LRP1B: variants seen among roughly 807,000 people sequenced by gnomAD.
The protein encoded by LRP1B is low-density lipoprotein receptor-related protein 1B.
In LRP1B, 217 loss-of-function variants were observed where a neutral mutation model predicts 556.6. The ratio of observed to expected loss-of-function variants is 0.39; its 90% confidence interval spans 0.35 to 0.44. LRP1B has a LOEUF of 0.44. Among genes scored for constraint, LRP1B ranks in the 20% least tolerant of loss-of-function variants. The pLI, the probability that LRP1B is intolerant of heterozygous loss-of-function variation, is 1.00. For missense variants in LRP1B, 5,053 were observed against 5,620.8 expected (o/e 0.90, Z 3.23); for synonymous variants, 2,047 against 1,865.8 (o/e 1.10, Z -2.50).
intron 2 of LRP1B, among the ~76,000 whole-genome samples, chr2:141,773,444 G>A (rs1198658869): frequency 6.6e-6 from 1 of 152,184 alleles, no homozygotes; most frequent in African/African-American, 2.4e-5. Flanking sequence ...TGCAAGAAAA[G>A]TCAAGAATCT....
intron 3 of LRP1B, among the ~76,000 whole-genome samples, chr2:141,413,504 C>T (rs887155895): frequency 6.6e-6 from 1 of 152,146 alleles, no homozygotes. Context: ...CCGGCCAACA[C>T]CATCATAATC....
chr2:141,272,701 TA>T (rs1309870532), intron 3 of LRP1B, among the ~76,000 whole-genome samples: 1 of 151,482 alleles, frequency 6.6e-6, no homozygotes, highest in Admixed American at 6.6e-5. Context: ...ACTTTAAAAA[TA>T]AAAATATAGA....
At chr2:140,650,669 G>A (rs571069357) in intron 41 of LRP1B, among the ~76,000 whole-genome samples, 1 of 152,144 alleles carries the variant, frequency 6.6e-6, no homozygotes, top group South Asian at 2.1e-4. Context: ...TCATTTTAAA[G>A]ATTGGCCTGC....
At chr2:141,062,324 G>A (rs371067117) in intron 7 of LRP1B, 51 bp from the exon 8 acceptor site, 13 of 1,204,484 alleles carry the variant, frequency 1.1e-5, no homozygotes, top group African/African-American at 7.6e-5. Flanking sequence ...AGGGAAGCAC[G>A]TTTGATGGAG....
intron 43 of LRP1B, among the ~76,000 whole-genome samples, chr2:140,556,014 A>G (rs992370248): frequency 2.0e-5 from 3 of 152,116 alleles, no homozygotes; most frequent in African/African-American, 7.2e-5. Flanking sequence ...CAAGTAGATG[A>G]AGTTACCCTG....
chr2:141,621,611 T>C (rs570044734), intron 2 of LRP1B, among the ~76,000 whole-genome samples: 2 of 152,338 alleles, frequency 1.3e-5, no homozygotes, highest in East Asian at 3.9e-4. Flanking sequence ...TACATCTCAG[T>C]ATTTTCCTAA....
intron 7 of LRP1B, among the ~76,000 whole-genome samples, chr2:141,120,413 A>C (rs1045142428): frequency 5.3e-5 from 8 of 151,854 alleles, no homozygotes; most frequent in Non-Finnish European, 1.0e-4. Context: ...TCCTCTCTAA[A>C]ATGGGTATCA....
Position 140,334,478 on chromosome 2 carries a change from T to C in LRP1B, c.12198A>G (p.Val4066=). 1 of 1,610,530 alleles carries C rather than the reference T, an allele frequency of 6.2e-7. No homozygotes were observed. Among genetic ancestry groups the C allele is most frequent in the South Asian group, 1.1e-5 (1 of 90,888 alleles). The change falls in exon 79 of 91, where the codon GTA becomes GTG. Residue 4066 remains valine (V), a synonymous_variant. Coordinates refer to ENST00000389484, the MANE Select transcript of LRP1B (RefSeq NM_018557.3). ...AMDGTLRRIL[V]QKNLQRPTGL... ...CTGTGGGTCTCTGTAAGTTCTTTTG[T>C]ACTAAAATCCTTCTCAGTGTACCAT...
chr2:140,953,311 G>A (rs1263679079), intron 18 of LRP1B, among the ~76,000 whole-genome samples: 1 of 152,064 alleles, frequency 6.6e-6, no homozygotes, highest in Non-Finnish European at 1.5e-5. Flanking sequence ...GGATGGTCTC[G>A]ATCTCCTGAC....
chr2:140,826,615 T>G (rs1301942984), intron 31 of LRP1B, among the ~76,000 whole-genome samples: 2 of 152,144 alleles, frequency 1.3e-5, no homozygotes, highest in African/African-American at 4.8e-5. Context: ...CGATTCATAA[T>G]GCCCCTCCCC....
intron 7 of LRP1B, among the ~76,000 whole-genome samples, chr2:141,119,408 C>A (rs1055068690): frequency 3.3e-5 from 5 of 151,742 alleles, no homozygotes; most frequent in African/African-American, 1.2e-4. Context: ...GCTAGATATT[C>A]TAAAAGTTTT....
intron 67 of LRP1B, among the ~76,000 whole-genome samples, chr2:140,380,167 G>A (rs1683408821): frequency 6.6e-6 from 1 of 152,134 alleles, no homozygotes; most frequent in South Asian, 2.1e-4. Context: ...TTGAGGCACA[G>A]AGATAAGTAA....
chr2:140,828,102 T>C (rs1691572064), intron 31 of LRP1B, among the ~76,000 whole-genome samples: 1 of 151,602 alleles, frequency 6.6e-6, no homozygotes, highest in Non-Finnish European at 1.5e-5. Context: ...AGATCCATCC[T>C]ACAAAAAAAA....
chr2:140,261,345 A>C (rs2104926872), intron 86 of LRP1B, among the ~76,000 whole-genome samples: 1 of 152,016 alleles, frequency 6.6e-6, no homozygotes, highest in African/African-American at 2.4e-5. Flanking sequence ...TTTTACAGAC[A>C]AGGGAAATGG....
At chr2:141,831,938 GT>G (rs1413097853) in intron 1 of LRP1B, among the ~76,000 whole-genome samples, 1 of 151,282 alleles carries the variant, frequency 6.6e-6, no homozygotes, top group African/African-American at 2.4e-5. Context: ...AACTTTTCTC[GT>G]TTTTTTCTCT....
intron 2 of LRP1B, among the ~76,000 whole-genome samples, chr2:141,692,504 A>C (rs1691575251): frequency 6.6e-6 from 1 of 151,984 alleles, no homozygotes; most frequent in African/African-American, 2.4e-5. Flanking sequence ...TCCCAGGAGA[A>C]GCTTTTTCTG....
At chr2:141,881,738 C>CA (rs1360598715) in intron 1 of LRP1B, among the ~76,000 whole-genome samples, 6 of 151,988 alleles carry the variant, frequency 3.9e-5, no homozygotes, top group African/African-American at 1.2e-4. Context: ...GTAGGTCCTA[C>CA]AAAAAATATA....
intron 5 of LRP1B, among the ~76,000 whole-genome samples, chr2:141,230,002 A>G (rs1412121350): frequency 2.6e-5 from 4 of 152,174 alleles, no homozygotes; most frequent in East Asian, 1.9e-4. Context: ...TTCCTTCCAC[A>G]TCTACTTTCT....
chr2:141,120,239 C>A (rs1457143767), intron 7 of LRP1B, among the ~76,000 whole-genome samples: 2 of 151,824 alleles, frequency 1.3e-5, no homozygotes, highest in South Asian at 4.1e-4. Flanking sequence ...TGTACTCAAA[C>A]CCTCAATGAA....
Sources: allele counts gnomAD v4.1 joint callset (sites outside exome capture counted in the v4.1 genomes callset), GRCh38; gene constraint gnomAD v4.1.1; transcripts MANE v1.5; gene names NCBI Gene and HGNC (gene_info 2026-07-23, HGNC 2026-07-21).